DSE: variants seen among roughly 807,000 people sequenced by gnomAD.
DSE encodes the protein dermatan sulfate epimerase.
DSE carries 36 observed loss-of-function variants against 84.4 expected under a neutral mutation model. The observed-to-expected ratio is 0.43, with a 90% CI of 0.33 to 0.56. The LOEUF (loss-of-function observed/expected upper bound fraction) is 0.56, where lower values mean the gene tolerates loss of function less well. DSE is among the 20% of genes least tolerant of loss of function. The pLI is 0.06. For missense variants in DSE, 862 were observed against 1,169.6 expected, an observed-to-expected ratio of 0.74 and a Z score of 3.84; for synonymous variants, 410 against 430.1, an observed-to-expected ratio of 0.95 and a Z score of 0.58.
At chr6:116,288,487 G>A (rs1774073591) in intron 2 of DSE, 1 of 152,038 alleles carries the variant, frequency 6.6e-6, no homozygotes, top group Non-Finnish European at 1.5e-5. Flanking sequence ...CTTATATTCT[G>A]CTATGGGTGA....
chr6:116,342,525 C>T (rs553565971), intron 2 of DSE, among the ~76,000 whole-genome samples: 9 of 152,206 alleles, frequency 5.9e-5, no homozygotes, highest in Non-Finnish European at 1.0e-4. Flanking sequence ...GTAATCTACC[C>T]GCCTCAGCCT....
intron 2 of DSE, among the ~76,000 whole-genome samples, chr6:116,266,133 CT>C (rs1187648285): frequency 1.3e-5 from 2 of 152,180 alleles, no homozygotes; most frequent in East Asian, 3.9e-4. Flanking sequence ...AACCCAGTTT[CT>C]TTTTCCACAC....
chr6:116,403,267 CAG>C (rs1781712658), intron 2 of DSE, among the ~76,000 whole-genome samples: 2 of 151,986 alleles, frequency 1.3e-5, no homozygotes. Flanking sequence ...GTAAAAGTAA[CAG>C]AGTAATTTGA....
intron 2 of DSE, among the ~76,000 whole-genome samples, chr6:116,320,083 C>T (rs1056297864): frequency 2.6e-5 from 4 of 152,200 alleles, no homozygotes; most frequent in Non-Finnish European, 5.9e-5. Flanking sequence ...TAATCAAACA[C>T]TGAAATGTTT....
chr6:116,279,889 G>C (rs1173427894), intron 2 of DSE: 2 of 1,610,296 alleles, frequency 1.2e-6, no homozygotes, highest in Non-Finnish European at 8.5e-7. Flanking sequence ...GGCCGAACTG[G>C]GAGCTAACCG....
At chr6:116,308,407 A>C (rs1775472616) in intron 2 of DSE, among the ~76,000 whole-genome samples, 1 of 152,218 alleles carries the variant, frequency 6.6e-6, no homozygotes, top group Non-Finnish European at 1.5e-5. Context: ...AGATATTTTG[A>C]TATGAGCTGT....
At chr6:116,269,001 T>C (rs562236431) in intron 2 of DSE, among the ~76,000 whole-genome samples, 1 of 149,340 alleles carries the variant, frequency 6.7e-6, no homozygotes, top group African/African-American at 2.4e-5. Context: ...TTATGATCAC[T>C]GCCTGTGATA....
intron 2 of DSE, among the ~76,000 whole-genome samples, chr6:116,335,467 A>G (rs1777187389): frequency 6.6e-6 from 1 of 152,066 alleles, no homozygotes; most frequent in Non-Finnish European, 1.5e-5. Context: ...TGTACAACAA[A>G]CCCCCATGAC....
upstream of DSE, chr6:116,370,082 G>C: frequency 1.5e-6 from 1 of 652,180 alleles, no homozygotes; most frequent in South Asian, 1.8e-5. Context: ...CTGGCTGAGC[G>C]TGTTTGAGCA....
intron 1 of DSE, among the ~76,000 whole-genome samples, chr6:116,395,414 G>A: frequency 6.7e-6 from 1 of 148,560 alleles, no homozygotes; most frequent in East Asian, 2.0e-4. Flanking sequence ...GACAGAGCGA[G>A]ACTCCGTCTA....
intron 1 of DSE, among the ~76,000 whole-genome samples, chr6:116,387,822 A>G (rs1780661197): frequency 6.6e-6 from 1 of 152,168 alleles, no homozygotes; most frequent in Non-Finnish European, 1.5e-5. Flanking sequence ...CATAAGAAGG[A>G]TTTTCCACAG....
At chr6:116,275,022 C>G (rs1461354674) in intron 2 of DSE, among the ~76,000 whole-genome samples, 1 of 152,052 alleles carries the variant, frequency 6.6e-6, no homozygotes, top group Non-Finnish European at 1.5e-5. Flanking sequence ...AACACAATGT[C>G]AAAAATATTT....
chr6:116,260,640 A>G (rs928080945), intron 2 of DSE, among the ~76,000 whole-genome samples: 1 of 152,090 alleles, frequency 6.6e-6, no homozygotes, highest in Non-Finnish European at 1.5e-5. Context: ...TCTTTAATTC[A>G]TCTTGATTTA....
intron 1 of DSE, among the ~76,000 whole-genome samples, chr6:116,371,513 G>A (rs1245456309): frequency 6.6e-6 from 1 of 152,248 alleles, no homozygotes; most frequent in African/African-American, 2.4e-5. Context: ...CACTCTGCGG[G>A]GTTGGGTGGC....
chr6:116,340,864 A>C (rs1427079465), intron 2 of DSE, among the ~76,000 whole-genome samples: 1 of 152,198 alleles, frequency 6.6e-6, no homozygotes, highest in Non-Finnish European at 1.5e-5. Context: ...TATATGTGCC[A>C]TATTTTCTTT....
At chr6:116,289,185 G>A (rs966146260) in intron 2 of DSE, among the ~76,000 whole-genome samples, 5 of 151,984 alleles carry the variant, frequency 3.3e-5, no homozygotes, top group Non-Finnish European at 7.4e-5. Flanking sequence ...CCAATAAAAT[G>A]TGTACTTGGT....
intron 2 of DSE, chr6:116,400,385 ACACATTTATGGTT>A (rs1424298916): frequency 6.6e-6 from 1 of 152,214 alleles, no homozygotes; most frequent in African/African-American, 2.4e-5. Context: ...ATTTTTAAAT[ACACATTTATGGTT>A]CAATTGCAAT....
intron 2 of DSE, among the ~76,000 whole-genome samples, chr6:116,318,105 T>C (rs955811165): frequency 3.9e-5 from 6 of 152,228 alleles, no homozygotes; most frequent in Admixed American, 3.3e-4. Context: ...TATTGAGCAC[T>C]TGCTGTATGA....
intron 4 of DSE, chr6:116,433,076 G>A: frequency 2.3e-6 from 1 of 441,832 alleles, no homozygotes; most frequent in Non-Finnish European, 4.2e-6. Flanking sequence ...AATGAGGAAG[G>A]CAGGGAATAG....
Sources: gnomAD v4.1 joint callset for allele counts (sites outside exome capture counted in the v4.1 genomes callset) on GRCh38, gnomAD v4.1.1 for gene constraint, MANE v1.5 for transcripts, NCBI Gene and HGNC (gene_info 2026-07-23, HGNC 2026-07-21) for gene names.